ARHGAP24: variants seen among roughly 807,000 people sequenced by gnomAD.
ARHGAP24 encodes rho GTPase-activating protein 24.
A neutral mutation model predicts 76.4 loss-of-function variants in ARHGAP24; 50 were observed. The observed-to-expected ratio is 0.65, with a 90% CI of 0.52 to 0.83. The LOEUF is 0.83. ARHGAP24 is among the 40% of genes least tolerant of loss of function. The pLI is 0.00. For missense variants in ARHGAP24, 930 were observed against 914.2 expected, an observed-to-expected ratio of 1.02 and a Z score of -0.22; for synonymous variants, 345 against 323.3, an observed-to-expected ratio of 1.07 and a Z score of -0.72.
At chr4:85,931,604 G>T (rs184140594) in intron 4 of ARHGAP24, among the ~76,000 whole-genome samples, 3 of 152,146 alleles carry the variant, frequency 2.0e-5, no homozygotes, top group Non-Finnish European at 2.9e-5. Context: ...ATATCACAAG[G>T]TGGCACTGGG....
In ARHGAP24 at chr4:85,623,753, T is replaced by C. The variant is rs375715599; in HGVS notation, c.180+53032T>C. On this transcript the variant is annotated intron_variant, in intron 2 of 9. Coordinates refer to ENST00000395184, the MANE Select transcript of ARHGAP24 (RefSeq NM_001025616.3). ...GAATGTTCTTCCATTTGTTTGTATC[T>C]TCTTTTATTTCATTGAGCAGTGGTT... Among the ~76,000 whole-genome samples the C allele has an allele frequency of 2.7e-3, 408 of 151,964 alleles. 3 individuals carry two copies. Among genetic ancestry groups the C allele is most frequent in the African/African-American group, 8.3e-3 (342 of 41,434 alleles).
At chr4:85,955,434 T>C (rs1737855735) in intron 5 of ARHGAP24, among the ~76,000 whole-genome samples, 1 of 152,198 alleles carries the variant, frequency 6.6e-6, no homozygotes, top group African/African-American at 2.4e-5. Flanking sequence ...TTCTGGAAGC[T>C]GAAAATCCAA....
At chr4:85,756,126 A>G (rs1425895783) in intron 3 of ARHGAP24, among the ~76,000 whole-genome samples, 1 of 152,204 alleles carries the variant, frequency 6.6e-6, no homozygotes, top group East Asian at 1.9e-4. Context: ...TGATGTATCA[A>G]TACGTTGAGG....
intron 2 of ARHGAP24, among the ~76,000 whole-genome samples, chr4:85,655,529 C>T (rs944377806): frequency 6.6e-6 from 1 of 151,602 alleles, no homozygotes; most frequent in African/African-American, 2.4e-5. Flanking sequence ...TGCCTGTAAC[C>T]CCGGCACTTT....
chr4:85,916,105 C>A (rs1320995967), intron 3 of ARHGAP24, among the ~76,000 whole-genome samples: 1 of 152,062 alleles, frequency 6.6e-6, no homozygotes, highest in African/African-American at 2.4e-5. Context: ...TTTTAATGAT[C>A]GCCATTCTAA....
Position 85,760,551 on chromosome 4 carries a change from G to T in ARHGAP24, c.268+38579G>T, listed in dbSNP as rs79282441. 5.7e-3 allele frequency among the ~76,000 whole-genome samples: 866 copies of T among 152,228 alleles called. 6 individuals carry two copies. The highest frequency in any genetic ancestry group is 0.02 in the African/African-American group (843 of 41,534). ...AAATGACATTTTATTTCTGCTATTT[G>T]AGTAATCTGCTTCCAAACAGGAAAA... On this transcript the variant is annotated intron_variant, in intron 3 of 9. Coordinates refer to ENST00000395184, the MANE Select transcript of ARHGAP24 (RefSeq NM_001025616.3).
chr4:85,562,250 C>T (rs530475757), intron 1 of ARHGAP24, among the ~76,000 whole-genome samples: 8 of 152,224 alleles, frequency 5.3e-5, no homozygotes, highest in African/African-American at 1.9e-4. Flanking sequence ...GGAATGAAAT[C>T]AGAGATTAGA....
intron 3 of ARHGAP24, among the ~76,000 whole-genome samples, chr4:85,764,232 A>G (rs1235194209): frequency 6.6e-6 from 1 of 151,754 alleles, no homozygotes. Flanking sequence ...TCAATTTTAA[A>G]TTTATTATCA....
chr4:85,694,601 G>GA (rs1241656212), intron 2 of ARHGAP24, among the ~76,000 whole-genome samples: 2 of 151,746 alleles, frequency 1.3e-5, no homozygotes, highest in Non-Finnish European at 2.9e-5. Context: ...CAAACATGGA[G>GA]AAAAAAAAGC....
At chr4:85,851,096 A>T (rs920113911) in intron 3 of ARHGAP24, among the ~76,000 whole-genome samples, 7 of 152,140 alleles carry the variant, frequency 4.6e-5, no homozygotes, top group Non-Finnish European at 8.8e-5. Context: ...GTCTCTTTGT[A>T]GGTCTCTAAG....
intron 5 of ARHGAP24, among the ~76,000 whole-genome samples, chr4:85,964,163 A>G (rs1012675821): frequency 3.3e-5 from 5 of 152,130 alleles, no homozygotes; most frequent in African/African-American, 1.2e-4. Context: ...CTTCCCAGGT[A>G]ATTCCAACAT....
At chr4:85,812,704 A>G (rs550031085) in intron 3 of ARHGAP24, among the ~76,000 whole-genome samples, 15 of 152,300 alleles carry the variant, frequency 9.8e-5, no homozygotes, top group African/African-American at 3.4e-4. Context: ...TGCTTTCATC[A>G]CCACAATTAC....
At chr4:85,935,733 A>G (rs1270711252) in intron 4 of ARHGAP24, among the ~76,000 whole-genome samples, 1 of 152,174 alleles carries the variant, frequency 6.6e-6, no homozygotes, top group East Asian at 1.9e-4. Flanking sequence ...ATAAAGAAAT[A>G]CATGCAACTT....
chr4:85,872,595 C>CTTTTT lies in ARHGAP24; in HGVS notation c.269-51035_269-51031dup, dbSNP rs5860005. On this transcript the variant is annotated intron_variant, in intron 3 of 9. Coordinates refer to ENST00000395184, the MANE Select transcript of ARHGAP24 (RefSeq NM_001025616.3). ...ATAGGCATGAGCCACTGCATCTGGCCTTTTTTTTTTTTTTTTTTTTTTGAC... is the reference window on the plus strand; with the variant it reads ...ATAGGCATGAGCCACTGCATCTGGCCTTTTTTTTTTTTTTTTTTTTTTTTTTTGAC... Among the ~76,000 whole-genome samples, 34 of 73,180 alleles carry CTTTTT rather than the reference C, an allele frequency of 4.6e-4. 1 individual carries two copies. Among genetic ancestry groups the CTTTTT allele is most frequent in the East Asian group, 1.8e-3 (4 of 2,228 alleles). The allele number at this position is 73,180 out of a possible 152,430, so 48.0% of individuals were successfully genotyped here.
chr4:85,831,832 G>C lies in ARHGAP24; in HGVS notation c.269-91816G>C, dbSNP rs11940209. Among the ~76,000 whole-genome samples the C allele has an allele frequency of 8.7e-3, 1,317 of 150,980 alleles. 25 individuals carry two copies. Among genetic ancestry groups the C allele is most frequent in the African/African-American group, 0.03 (1,237 of 41,030 alleles). ...TGTGATAATCACCTGAGTCCCGGAA[G>C]TCAAGGCTGCAGTGAGCTGACATCA... On this transcript the variant is annotated intron_variant, in intron 3 of 9. Transcript: ENST00000395184.
intron 1 of ARHGAP24, among the ~76,000 whole-genome samples, chr4:85,503,537 G>C (rs1296296171): frequency 6.6e-6 from 1 of 151,200 alleles, no homozygotes; most frequent in Non-Finnish European, 1.5e-5. Flanking sequence ...ATGGTAGTTT[G>C]TTTTTCTGTG....
At chr4:85,796,745 A>T (rs1300694402) in intron 3 of ARHGAP24, among the ~76,000 whole-genome samples, 1 of 152,174 alleles carries the variant, frequency 6.6e-6, no homozygotes, top group African/African-American at 2.4e-5. Context: ...GCACCCAAGG[A>T]AAAGCTCATA....
chr4:85,798,849 A>G (rs566028854), intron 3 of ARHGAP24, among the ~76,000 whole-genome samples: 1 of 152,322 alleles, frequency 6.6e-6, no homozygotes, highest in Non-Finnish European at 1.5e-5. Context: ...GCAAACAAAA[A>G]AGTATTAATA....
chr4:85,621,329 T>G (rs1720711566), intron 2 of ARHGAP24, among the ~76,000 whole-genome samples: 1 of 152,096 alleles, frequency 6.6e-6, no homozygotes, highest in Non-Finnish European at 1.5e-5. Context: ...TTTTAGTTCC[T>G]TGAGGAGTTT....
Sources: allele counts gnomAD v4.1 joint callset (sites outside exome capture counted in the v4.1 genomes callset), GRCh38; gene constraint gnomAD v4.1.1; transcripts MANE v1.5; gene names NCBI Gene and HGNC (gene_info 2026-07-23, HGNC 2026-07-21).